Variants in PRR33 observed in about 807,000 individuals in gnomAD.
The protein encoded by PRR33 is proline rich 33, also known as proline-rich protein 33.
PRR33 carries 1 observed loss-of-function variant against 0.5 expected under a neutral mutation model. The ratio of observed to expected loss-of-function variants is 2.18; its 90% CI spans 0.77 to 10.34. The LOEUF is 10.34. Ranked by LOEUF, PRR33 falls within the 30% of genes most tolerant of loss-of-function variation. PRR33 has a pLI of 0.13. For synonymous variants in PRR33, 226 were observed against 110.0 expected, an observed-to-expected ratio of 2.06 and a Z score of -6.60; for missense variants, 552 against 251.8, an observed-to-expected ratio of 2.19 and a Z score of -8.07.
chr11:1,902,906 C>A, the PRR33 span, among the ~76,000 whole-genome samples: 1 of 152,122 alleles, frequency 6.6e-6, no homozygotes, highest in Admixed American at 6.6e-5. Context: ...TTAGGCCATA[C>A]AGGGTAACTT....
exon 1 of PRR33, chr11:1,890,522 A>C (rs1848955421): frequency 2.8e-6 from 2 of 715,924 alleles, no homozygotes; most frequent in Non-Finnish European, 5.2e-6. Context: ...GTGGGGGTCC[A>C]GGGGTTCCCT....
At chr11:1,889,348 C>A in exon 1 of PRR33, 1 of 712,152 alleles carries the variant, frequency 1.4e-6, no homozygotes. Context: ...CGCCCTTGGG[C>A]CTCCGCCACT....
the PRR33 span, among the ~76,000 whole-genome samples, chr11:1,916,503 C>G: frequency 2.0e-3 from 1 of 492 alleles, no homozygotes; most frequent in Non-Finnish European, 4.5e-3. Flanking sequence ...AGTGACAGCA[C>G]TCCCCTTGTT....
At chr11:1,912,562 G>A in the PRR33 span, among the ~76,000 whole-genome samples, 5 of 152,104 alleles carry the variant, frequency 3.3e-5, no homozygotes, top group African/African-American at 1.2e-4. Flanking sequence ...TTTTTTGCCA[G>A]ATGTTAGACT....
the PRR33 span, among the ~76,000 whole-genome samples, chr11:1,899,762 G>A: frequency 1.3e-5 from 2 of 152,132 alleles, no homozygotes; most frequent in African/African-American, 2.4e-5. Context: ...TTTCTCAAGG[G>A]ACGTCCCATG....
chr11:1,889,666 C>T (rs780914872), exon 1 of PRR33: 21 of 631,964 alleles, frequency 3.3e-5, no homozygotes, highest in African/African-American at 2.6e-4. Context: ...GACACTCGCT[C>T]GGCCTCAGCG....
In PRR33 at chr11:1,889,955, T is replaced by C. The variant is rs527921072; in HGVS notation, c.630A>G (p.Gly210=). The change falls in exon 1 of 1, where the codon GGA becomes GGG. Residue 210 remains glycine, a synonymous_variant. Transcript: ENST00000640310. The stretch of plus-strand genomic sequence containing the variant: ...CCCTGGGGGGACTTGGGGTGGCATC[T>C]CCATCCTGGCTGTTGGATCCCACTT... 33 of 629,258 alleles carry C rather than the reference T, an allele frequency of 5.2e-5. No individual in the cohort carries two copies. The South Asian group carries it at 5.4e-4, about 10-fold the overall frequency. 39.0% of individuals were successfully genotyped at this position (629,258 alleles called of 1,614,324 possible). A position where few individuals can be genotyped will look rare whatever the true frequency, so the allele number is the denominator to read the frequency against.
chr11:1,911,228 T>C, the PRR33 span, among the ~76,000 whole-genome samples: 1 of 152,140 alleles, frequency 6.6e-6, no homozygotes, highest in Admixed American at 6.5e-5. Flanking sequence ...GTGGATCACC[T>C]GAGGTCAGTT....
chr11:1,903,599 G>C, the PRR33 span, among the ~76,000 whole-genome samples: 1 of 152,130 alleles, frequency 6.6e-6, no homozygotes, highest in Non-Finnish European at 1.5e-5. Flanking sequence ...TGTTCACTTG[G>C]AACATCCCAC....
chr11:1,901,707 T>A, the PRR33 span, among the ~76,000 whole-genome samples: 1 of 152,140 alleles, frequency 6.6e-6, no homozygotes, highest in African/African-American at 2.4e-5. Flanking sequence ...CATCATTTGC[T>A]CAACCAAGAA....
the PRR33 span, among the ~76,000 whole-genome samples, chr11:1,909,542 C>T: frequency 4.6e-5 from 7 of 152,130 alleles, no homozygotes; most frequent in East Asian, 1.9e-4. Context: ...ACCCAGGAGT[C>T]GGAGGTTGCA....
At chr11:1,909,230 G>A in the PRR33 span, among the ~76,000 whole-genome samples, 124 of 146,938 alleles carry the variant, frequency 8.4e-4, no homozygotes, top group African/African-American at 3.0e-3. Context: ...TGGGTACGGC[G>A]GCTCACACCT....
the PRR33 span, among the ~76,000 whole-genome samples, chr11:1,901,958 C>T: frequency 7.2e-5 from 11 of 152,116 alleles, no homozygotes; most frequent in African/African-American, 2.4e-4. Context: ...TATGGCCGGG[C>T]GCGGTGGCTC....
At chr11:1,905,725 A>C in the PRR33 span, among the ~76,000 whole-genome samples, 1 of 152,006 alleles carries the variant, frequency 6.6e-6, no homozygotes, top group South Asian at 2.1e-4. Flanking sequence ...AGGTGCTGGG[A>C]TTACAGGTGT....
the PRR33 span, among the ~76,000 whole-genome samples, chr11:1,899,424 T>C: frequency 6.6e-6 from 1 of 152,198 alleles, no homozygotes; most frequent in African/African-American, 2.4e-5. Flanking sequence ...AAGCGTTTGA[T>C]AGGGTCCTCA....
the PRR33 span, among the ~76,000 whole-genome samples, chr11:1,912,899 C>T: frequency 2.6e-5 from 4 of 152,354 alleles, no homozygotes; most frequent in South Asian, 2.1e-4. Flanking sequence ...TGAGCCACTG[C>T]GCCCGGCCAA....
At chr11:1,909,034 G>C in the PRR33 span, among the ~76,000 whole-genome samples, 1 of 152,144 alleles carries the variant, frequency 6.6e-6, no homozygotes, top group Non-Finnish European at 1.5e-5. Flanking sequence ...AACTATGCCA[G>C]TAGGCATAAA....
rs1237961497 is a variant in PRR33 at position 1,890,334 on chromosome 11, G to A, written c.251C>T (p.Ala84Val). The change falls in exon 1 of 1, where the codon GCT becomes GTT. Residue 84 changes from alanine (A) to valine (V), a missense_variant. Transcript: ENST00000640310. ...GGCTTCGGCGGGGTGCGGGCCCTCAGCAGCGTGCGGGGCTGTGACCTCCTG... is the reference window on the plus strand; with the variant it reads ...GGCTTCGGCGGGGTGCGGGCCCTCAACAGCGTGCGGGGCTGTGACCTCCTG... 3 of 713,932 alleles carry A rather than the reference G, an allele frequency of 4.2e-6. No individual in the cohort carries two copies. In the Admixed American group the frequency reaches 6.0e-5, roughly 14 times the overall value. The allele number at this position is 713,932 out of a possible 1,614,324, so 44.2% of individuals were successfully genotyped here.
At chr11:1,894,075 T>TGA (rs1849093309), upstream of PRR33, among the ~76,000 whole-genome samples, 2 of 998 alleles carry the variant, frequency 2.0e-3, no homozygotes, top group Non-Finnish European at 3.9e-3. Context: ...TGTGTGTGTG[T>TGA]GTGATAGGGC....
Sources: allele counts gnomAD v4.1 joint callset (sites outside exome capture counted in the v4.1 genomes callset), GRCh38; gene constraint gnomAD v4.1.1; transcripts MANE v1.5; gene names NCBI Gene and HGNC (gene_info 2026-07-23, HGNC 2026-07-21).